The following FHIT variants were observed in gnomAD, a reference collection of about 807,000 sequenced individuals.
The protein encoded by FHIT is bis(5'-adenosyl)-triphosphatase.
A neutral mutation model predicts 17.9 loss-of-function variants in FHIT; 19 were observed. That is an observed-to-expected ratio of 1.06 (90% CI 0.74 to 1.56). FHIT has a LOEUF of 1.56. Among genes scored for constraint, FHIT ranks in the 40% most tolerant of loss-of-function variants. The pLI, the probability that FHIT is intolerant of heterozygous loss-of-function variation, is 0.00. For synonymous variants in FHIT, 81 were observed against 69.7 expected, an observed-to-expected ratio of 1.16 and a Z score of -0.81; for missense variants, 248 against 189.2, an observed-to-expected ratio of 1.31 and a Z score of -1.82.
At chr3:60,542,084 C>T (rs2036204240) in intron 4 of FHIT, among the ~76,000 whole-genome samples, 2 of 152,154 alleles carry the variant, frequency 1.3e-5, no homozygotes, top group Non-Finnish European at 2.9e-5. Context: ...CAAAAATACA[C>T]AGGGCCCTTA....
chr3:61,046,174 C>A lies in FHIT; in HGVS notation c.-163-4075G>T, dbSNP rs192461920. Among the ~76,000 whole-genome samples the A allele has an allele frequency of 6.0e-3, 907 of 152,098 alleles. 15 individuals carry two copies. Among genetic ancestry groups the A allele is most frequent in the African/African-American group, 0.021 (860 of 41,506 alleles). ...CTGAAGGAGATAGAGACGCAAAAAA[C>A]CCTTCAAAAAATCAATGAATCCAGG... On this transcript the variant is annotated intron_variant, in intron 2 of 9. Coordinates refer to ENST00000492590, the MANE Select transcript of FHIT (RefSeq NM_002012.4).
chr3:59,977,569 T>C (rs977449388), intron 7 of FHIT, among the ~76,000 whole-genome samples: 1 of 152,192 alleles, frequency 6.6e-6, no homozygotes. Flanking sequence ...GGAATCTTTG[T>C]GTCAGGACTG....
At chr3:60,188,466 T>C (rs1430857045) in intron 5 of FHIT, among the ~76,000 whole-genome samples, 9 of 152,156 alleles carry the variant, frequency 5.9e-5, no homozygotes, top group Admixed American at 3.9e-4. Flanking sequence ...TTGGATTCAA[T>C]GTGTGTATGC....
At chr3:59,765,193 G>T (rs979615654) in intron 8 of FHIT, among the ~76,000 whole-genome samples, 1 of 152,180 alleles carries the variant, frequency 6.6e-6, no homozygotes, top group Non-Finnish European at 1.5e-5. Flanking sequence ...TCTCACCTCA[G>T]TGCCACTCAA....
intron 4 of FHIT, among the ~76,000 whole-genome samples, chr3:60,773,366 A>G (rs1700109972): frequency 6.6e-6 from 1 of 151,736 alleles, no homozygotes; most frequent in South Asian, 2.1e-4. Context: ...CCTAGACTTC[A>G]TCTCCATAAT....
At chr3:59,975,687 G>A (rs1344044942) in intron 7 of FHIT, among the ~76,000 whole-genome samples, 1 of 152,014 alleles carries the variant, frequency 6.6e-6, no homozygotes, top group Admixed American at 6.6e-5. Flanking sequence ...AGAATCAAGA[G>A]ATACTAGCCT....
At position 60,484,222 on chromosome 3, in the gene FHIT, G is replaced by T. The variant is rs957569793; in HGVS notation, c.103+52638C>A. Among the ~76,000 whole-genome samples the T allele has an allele frequency of 1.8e-4, 28 of 152,096 alleles. 1 individual carries two copies. Among genetic ancestry groups the T allele is most frequent in the African/African-American group, 6.3e-4 (26 of 41,436 alleles). On this transcript the variant is annotated intron_variant, in intron 5 of 9. Transcript: ENST00000492590. ...CCATCCTCATGGATAGAAGGAATCAGTATCATGAAAATGGCCATACTGCCC... is the reference window on the plus strand; with the variant it reads ...CCATCCTCATGGATAGAAGGAATCATTATCATGAAAATGGCCATACTGCCC...
At position 60,797,041 on chromosome 3, in the gene FHIT, T is replaced by A. The variant is rs529148874; in HGVS notation, c.-18+24878A>T. ...TATTTGATATATTTTGAACCACATA[T>A]TTTAGAGGGGCTTTCCTATCACAAA... On this transcript the variant is annotated intron_variant, in intron 4 of 9. Coordinates refer to ENST00000492590, the MANE Select transcript of FHIT (RefSeq NM_002012.4). 3.3e-5 allele frequency among the ~76,000 whole-genome samples: 5 copies of A among 152,300 alleles called. No individual in the cohort carries two copies. The South Asian group carries it at 1.0e-3, about 32-fold the overall frequency.
At chr3:60,736,001 C>T (rs1553712498) in intron 4 of FHIT, among the ~76,000 whole-genome samples, 2 of 151,998 alleles carry the variant, frequency 1.3e-5, no homozygotes, top group Non-Finnish European at 1.5e-5. Context: ...AAAATGGTAG[C>T]TCACAAAGAA....
At chr3:60,780,488 A>G (rs1291064835) in intron 4 of FHIT, among the ~76,000 whole-genome samples, 3 of 152,074 alleles carry the variant, frequency 2.0e-5, no homozygotes, top group Non-Finnish European at 4.4e-5. Context: ...AGGATCTTTG[A>G]GCTGTCCTTA....
intron 5 of FHIT, among the ~76,000 whole-genome samples, chr3:60,426,978 A>T (rs1385048323): frequency 6.6e-6 from 1 of 152,104 alleles, no homozygotes; most frequent in Non-Finnish European, 1.5e-5. Flanking sequence ...TATGTTATAC[A>T]ACAAAGGTAA....
intron 5 of FHIT, among the ~76,000 whole-genome samples, chr3:60,227,225 G>T (rs1326435304): frequency 6.6e-6 from 1 of 152,118 alleles, no homozygotes; most frequent in Non-Finnish European, 1.5e-5. Flanking sequence ...AACTGCATTG[G>T]AAAATGACTT....
At chr3:61,242,021 G>C (rs1011753373) in intron 1 of FHIT, among the ~76,000 whole-genome samples, 1 of 152,158 alleles carries the variant, frequency 6.6e-6, no homozygotes, top group African/African-American at 2.4e-5. Context: ...TGGGCAGAAA[G>C]GTTCAGGAAA....
chr3:61,034,132 T>A (rs1371099400), intron 3 of FHIT, among the ~76,000 whole-genome samples: 4 of 152,126 alleles, frequency 2.6e-5, no homozygotes, highest in Admixed American at 1.3e-4. Context: ...GGAGCAATGA[T>A]CTAAATATAA....
At chr3:60,605,905 T>C (rs1553671056) in intron 4 of FHIT, among the ~76,000 whole-genome samples, 1 of 152,130 alleles carries the variant, frequency 6.6e-6, no homozygotes, top group Non-Finnish European at 1.5e-5. Context: ...CCTATATGTA[T>C]CTGTAAATAG....
In FHIT at chr3:60,708,947, C is replaced by T. The variant is rs557480967; in HGVS notation, c.-18+112972G>A. Among the ~76,000 whole-genome samples the T allele has an allele frequency of 7.5e-4, 114 of 152,240 alleles. 1 individual carries two copies. In the Middle Eastern group the frequency reaches 0.037, roughly 50 times the overall value. The stretch of plus-strand genomic sequence containing the variant: ...CACAAATTATTCCTGCTTTATATTG[C>T]CTTTGTTTCTGGCAACTGGGTTTCT... On this transcript the variant is annotated intron_variant, in intron 4 of 9. Coordinates refer to ENST00000492590, the MANE Select transcript of FHIT (RefSeq NM_002012.4).
At chr3:60,888,007 T>C (rs1173583939) in intron 3 of FHIT, among the ~76,000 whole-genome samples, 1 of 152,150 alleles carries the variant, frequency 6.6e-6, no homozygotes, top group Non-Finnish European at 1.5e-5. Context: ...AAAAGTGTAA[T>C]CCCTAAAAGA....
intron 2 of FHIT, among the ~76,000 whole-genome samples, chr3:61,057,232 G>A (rs2034256779): frequency 6.6e-6 from 1 of 152,174 alleles, no homozygotes; most frequent in Non-Finnish European, 1.5e-5. Flanking sequence ...ATTTGTAAAC[G>A]TGTTATGGTT....
At chr3:59,919,776 G>A (rs187368394) in intron 8 of FHIT, among the ~76,000 whole-genome samples, 1 of 152,308 alleles carries the variant, frequency 6.6e-6, no homozygotes, top group Admixed American at 6.5e-5. Flanking sequence ...CTGAACAGAT[G>A]CATAATCTAG....
Sources: allele counts gnomAD v4.1 joint callset (sites outside exome capture counted in the v4.1 genomes callset), GRCh38; gene constraint gnomAD v4.1.1; transcripts MANE v1.5; gene names NCBI Gene and HGNC (gene_info 2026-07-23, HGNC 2026-07-21).